The following DKK1 variants were observed in gnomAD, a reference collection of about 807,000 sequenced individuals.
DKK1 encodes dickkopf-related protein 1.
A neutral mutation model predicts 26.0 loss-of-function variants in DKK1; 18 were observed. That is an observed-to-expected ratio of 0.69 (90% CI 0.48 to 1.03). DKK1 has a LOEUF of 1.03. DKK1 is among the 50% of genes least tolerant of loss of function. The probability of loss-of-function intolerance (pLI) is 0.00; values close to 1 mark genes in which losing one functional copy is unlikely to be tolerated. For missense variants in DKK1, 335 were observed against 348.5 expected (o/e 0.96, Z 0.31); for synonymous variants, 130 against 132.6 (o/e 0.98, Z 0.13).
Position 52,316,995 on chromosome 10 carries a change from TA to T in DKK1, c.*191del. On this transcript the variant is annotated 3_prime_UTR_variant, in exon 4 of 4. Transcript: ENST00000373970. The stretch of plus-strand genomic sequence containing the variant: ...TTATGGAACTCCCCTGTGATTGCAG[TA>T]AATTACTGTATTGTAAATTCTCAGT... The T allele has an allele frequency of 4.9e-6, 3 of 609,902 alleles. No individual in the cohort carries two copies. In the South Asian group the frequency reaches 6.5e-5, roughly 13 times the overall value. 37.8% of individuals were successfully genotyped at this position (609,902 alleles called of 1,614,324 possible).
chr10:52,317,046 G>T lies in DKK1; in HGVS notation c.*239G>T. The T allele has an allele frequency of 2.0e-6, 1 of 491,620 alleles. No individual in the cohort carries two copies. Among genetic ancestry groups the T allele is most frequent in the Non-Finnish European group, 3.6e-6 (1 of 279,850 alleles). 30.5% of individuals were successfully genotyped at this position (491,620 alleles called of 1,614,324 possible). ...TGTGGCACTTACCTGTAAATGCAAT[G>T]AAACTTTTAATTATTTTTCTAAAGG... On this transcript the variant is annotated 3_prime_UTR_variant, in exon 4 of 4. Coordinates refer to ENST00000373970, the MANE Select transcript of DKK1 (RefSeq NM_012242.4).
Position 52,314,890 on chromosome 10 carries a change from G to A in DKK1, c.244-33G>A, listed in dbSNP as rs760422268. On this transcript the variant is annotated intron_variant, in intron 1 of 3. Coordinates refer to ENST00000373970, the MANE Select transcript of DKK1 (RefSeq NM_012242.4). This position sits in a 1 kb window ranked among gnomAD's most constrained non-coding sequence, Gnocchi z 5.7. ...AGAGGGCGGGTACCTGGACGTCTGG[G>A]TGCCTCACCCTCTCCCCGAACCCTT... is the stretch of plus-strand genomic sequence containing the variant. 6.6e-5 allele frequency: 97 copies of A among 1,471,338 alleles called. No individual in the cohort carries two copies. The highest frequency in any genetic ancestry group is 8.3e-5 in the Non-Finnish European group (92 of 1,107,470). The allele number at this position is 1,471,338 out of a possible 1,614,324, so 91.1% of individuals were successfully genotyped here. A position where few individuals can be genotyped will look rare whatever the true frequency, so the allele number is the denominator to read the frequency against.
Position 52,315,022 on chromosome 10 carries a change from A to T in DKK1, c.343A>T (p.Arg115Trp), listed in dbSNP as rs766034631. The change falls in exon 2 of 4, where the codon AGG (arginine) becomes TGG (tryptophan). Residue 115 changes from arginine to tryptophan, a missense_variant. Arg to Trp is a moderately radical substitution (Grantham distance 101). Coordinates refer to ENST00000373970, the MANE Select transcript of DKK1 (RefSeq NM_012242.4). ...AGGCGTGCAAATCTGTCTCGCCTGC[A>T]GGAAGCGCCGAAAACGCTGCATGCG... is the stretch of plus-strand genomic sequence containing the variant. ...DAGVQICLACRKRRKRCMRHA... is the reference protein window; with the variant it reads ...DAGVQICLACWKRRKRCMRHA... The T allele has an allele frequency of 1.2e-6, 2 of 1,605,524 alleles. No homozygotes were observed. The highest frequency in any genetic ancestry group is 2.2e-5 in the South Asian group (2 of 90,470).
In DKK1 at chr10:52,316,853, A is replaced by G. The variant is rs1305695376; in HGVS notation, c.*46A>G. The G allele has an allele frequency of 5.0e-6, 8 of 1,590,190 alleles. No homozygotes were observed. Among genetic ancestry groups the G allele is most frequent in the East Asian group, 2.2e-5 (1 of 44,762 alleles). On this transcript the variant is annotated 3_prime_UTR_variant, in exon 4 of 4. Coordinates refer to ENST00000373970, the MANE Select transcript of DKK1 (RefSeq NM_012242.4). The stretch of plus-strand genomic sequence containing the variant: ...GAACTCCTTTTATATAATAGATGCT[A>G]TGAAAACCTTTTATGACCTTCATCA...
rs375749818 is a variant in DKK1, at chr10:52,314,687, G to T, written c.243+10G>T. ...CATTGACAACTACCAGGTGAGAGGG[G>T]TCGGGCACTCAGAGGATGCTCTGAC... On this transcript the variant is annotated intron_variant, in intron 1 of 3. Transcript: ENST00000373970. This position sits in a 1 kb window ranked among gnomAD's most constrained non-coding sequence, Gnocchi z 5.7. 1 of 1,611,210 alleles carries T rather than the reference G, an allele frequency of 6.2e-7. No individual in the cohort carries two copies. The highest frequency in any genetic ancestry group is 1.1e-5 in the South Asian group (1 of 90,970).
Position 52,314,542 on chromosome 10 carries a change from TCTC to T in DKK1, c.109_111del (p.Leu37del). On this transcript the variant is annotated inframe_deletion, in exon 1 of 4. Transcript: ENST00000373970. This position sits in a 1 kb window ranked among gnomAD's most constrained non-coding sequence, Gnocchi z 5.7. ...GAGTGAGCGCCACCTTGAACTCGGTTCTCAATTCCAACGCTATCAAGAACCTGC... is the reference window on the plus strand; with the variant it reads ...GAGTGAGCGCCACCTTGAACTCGGTTAATTCCAACGCTATCAAGAACCTGC... The T allele has an allele frequency of 6.2e-7, 1 of 1,613,710 alleles. No homozygotes were observed. Among genetic ancestry groups the T allele is most frequent in the Non-Finnish European group, 8.5e-7 (1 of 1,179,968 alleles).
chr10:52,314,508 C>T lies in DKK1; in HGVS notation c.74C>T (p.Pro25Leu). 9.9e-6 allele frequency: 16 copies of T among 1,613,788 alleles called. No individual in the cohort carries two copies. Among genetic ancestry groups the T allele is most frequent in the Non-Finnish European group, 1.4e-5 (16 of 1,180,020 alleles). Residue 25 changes from proline (P) to leucine (L), a missense_variant, in exon 1 of 4, where the codon CCT (proline) becomes CTT (leucine). Coordinates refer to ENST00000373970, the MANE Select transcript of DKK1 (RefSeq NM_012242.4). The surrounding 1 kb of genome is among the most constrained non-coding windows in gnomAD (Gnocchi z 5.7). ...AMVAAALGGH[P>L]LLGVSATLNS... The stretch of plus-strand genomic sequence containing the variant: ...GTAGCGGCGGCTCTCGGCGGCCACC[C>T]TCTGCTGGGAGTGAGCGCCACCTTG...
At position 52,314,517 on chromosome 10, in the gene DKK1, G is replaced by T; in HGVS notation, c.83G>T (p.Gly28Val). The T allele has an allele frequency of 6.2e-7, 1 of 1,613,838 alleles. No homozygotes were observed. The highest frequency in any genetic ancestry group is 1.7e-5 in the Admixed American group (1 of 60,024). Residue 28 changes from glycine to valine, a missense_variant, in exon 1 of 4, where the codon GGA becomes GTA. Coordinates refer to ENST00000373970, the MANE Select transcript of DKK1 (RefSeq NM_012242.4). This position sits in a 1 kb window ranked among gnomAD's most constrained non-coding sequence, Gnocchi z 5.7. ...GCTCTCGGCGGCCACCCTCTGCTGG[G>T]AGTGAGCGCCACCTTGAACTCGGTT... is the stretch of plus-strand genomic sequence containing the variant. ...AAALGGHPLLGVSATLNSVLN... is the reference protein window; with the variant it reads ...AAALGGHPLLVVSATLNSVLN...
chr10:52,315,938 G>A lies in DKK1; in HGVS notation c.407-357G>A, dbSNP rs185660218. On this transcript the variant is annotated intron_variant, in intron 2 of 3. Coordinates refer to ENST00000373970, the MANE Select transcript of DKK1 (RefSeq NM_012242.4). ...GGACCCATATAGCACCAGGGGCAGA[G>A]AAGTTATTTTTAAGAACATTTTTAA... Among the ~76,000 whole-genome samples the A allele has an allele frequency of 5.9e-5, 9 of 152,230 alleles. No homozygotes were observed. The East Asian group carries it at 1.7e-3, about 29-fold the overall frequency.
In DKK1 at chr10:52,316,616, C is replaced by T; in HGVS notation, c.610C>T (p.His204Tyr). ...DCASGLCCAR[H>Y]FWSKICKPVL... ...TGCCTCAGGATTGTGTTGTGCTAGA[C>T]ACTTCTGGTCCAAGATCTGTAAACC... The change falls in exon 4 of 4, where the codon CAC becomes TAC. Residue 204 changes from histidine to tyrosine, a missense_variant. By Grantham distance (83) the His-to-Tyr change is moderately conservative. Coordinates refer to ENST00000373970, the MANE Select transcript of DKK1 (RefSeq NM_012242.4). 1 of 1,614,116 alleles carries T rather than the reference C, an allele frequency of 6.2e-7. No homozygotes were observed. The highest frequency in any genetic ancestry group is 8.5e-7 in the Non-Finnish European group (1 of 1,180,002).
chr10:52,315,768 C>T (rs1228218944), intron 2 of DKK1, among the ~76,000 whole-genome samples: 3 of 152,062 alleles, frequency 2.0e-5, no homozygotes, highest in Admixed American at 2.0e-4. Context: ...GCTAACAGGG[C>T]GACGACCCTC....
In DKK1 at chr10:52,314,299, T is replaced by C; in HGVS notation, c.-136T>C. 1 of 1,338,678 alleles carries C rather than the reference T, an allele frequency of 7.5e-7. No homozygotes were observed. The highest frequency in any genetic ancestry group is 1.0e-6 in the Non-Finnish European group (1 of 977,584). The allele number at this position is 1,338,678 out of a possible 1,614,324, so 82.9% of individuals were successfully genotyped here. A position where few individuals can be genotyped will look rare whatever the true frequency, so the allele number is the denominator to read the frequency against. ...TGGCGGCGCAGAGCTCTGTGCTCCC[T>C]GCAGTCAGGACTCTGGGACCGCAGG... On this transcript the variant is annotated 5_prime_UTR_variant, in exon 1 of 4. Transcript: ENST00000373970. The surrounding 1 kb of genome is among the most constrained non-coding windows in gnomAD (Gnocchi z 5.7).
rs147900355 is a variant in DKK1, at chr10:52,316,506, G to C, written c.548-48G>C. The C allele has an allele frequency of 2.2e-4, 353 of 1,611,612 alleles. 1 individual carries two copies. In the African/African-American group the frequency reaches 4.1e-3, roughly 19 times the overall value. On this transcript the variant is annotated intron_variant, in intron 3 of 3. Coordinates refer to ENST00000373970, the MANE Select transcript of DKK1 (RefSeq NM_012242.4). ...GAATTATTTTAGTGAAACGATGCAG[G>C]TTTAACAGTAACTATGTACTTTTTT...
chr10:52,315,561 G>A (rs1446760758), intron 2 of DKK1, among the ~76,000 whole-genome samples: 1 of 152,162 alleles, frequency 6.6e-6, no homozygotes, highest in Non-Finnish European at 1.5e-5. Context: ...ACTGTTGTCA[G>A]CCAGAGGACT....
In DKK1 at chr10:52,316,449, G is replaced by A; in HGVS notation, c.547+14G>A. On this transcript the variant is annotated intron_variant, in intron 3 of 3. Transcript: ENST00000373970. ...ATCACACCAAAGGTAAGGATGTTAA[G>A]ACTCATTCTTAGCACATCAGAAGTG... The A allele has an allele frequency of 6.2e-7, 1 of 1,613,568 alleles. No homozygotes were observed. The highest frequency in any genetic ancestry group is 1.1e-5 in the South Asian group (1 of 90,934).
rs1489537668 is a variant in DKK1 at position 52,317,346 on chromosome 10, G to A, written c.*539G>A. On this transcript the variant is annotated 3_prime_UTR_variant, in exon 4 of 4. Transcript: ENST00000373970. The stretch of plus-strand genomic sequence containing the variant: ...TAAATTATATTTCCCTTTAGGCTGT[G>A]ATAGTTTTTGAAATAAAATTTAACA... 2 of 152,930 alleles carry A rather than the reference G, an allele frequency of 1.3e-5. No homozygotes were observed. The highest frequency in any genetic ancestry group is 2.9e-5 in the Non-Finnish European group (2 of 68,646). The allele number at this position is 152,930 out of a possible 1,614,324, so 9.5% of individuals were successfully genotyped here. A position where few individuals can be genotyped will look rare whatever the true frequency, so the allele number is the denominator to read the frequency against.
intron 2 of DKK1, 30 bp downstream of exon 2, chr10:52,315,115 A>C (rs1323839613): frequency 5.6e-6 from 6 of 1,080,672 alleles, no homozygotes; most frequent in Admixed American, 3.6e-5. Flanking sequence ...TTTCACACTA[A>C]AACTGTCCAG....
At position 52,316,814 on chromosome 10, in the gene DKK1, T is replaced by C. The variant is rs1193268821; in HGVS notation, c.*7T>C. ...CACTTGTCAGAGACACTAAACCAGC[T>C]ATCCAAATGCAGTGAACTCCTTTTA... On this transcript the variant is annotated 3_prime_UTR_variant, in exon 4 of 4. Coordinates refer to ENST00000373970, the MANE Select transcript of DKK1 (RefSeq NM_012242.4). The C allele has an allele frequency of 1.9e-6, 3 of 1,613,474 alleles. No homozygotes were observed. Among genetic ancestry groups the C allele is most frequent in the Non-Finnish European group, 2.5e-6 (3 of 1,179,710 alleles).
chr10:52,315,133 G>A, intron 2 of DKK1, 48 bp downstream of exon 2: 5 of 982,812 alleles, frequency 5.1e-6, no homozygotes, highest in East Asian at 7.3e-5. Flanking sequence ...CAGCCTTTGA[G>A]CGTCTATGAA....
Sources: gnomAD v4.1 joint callset for allele counts (sites outside exome capture counted in the v4.1 genomes callset) on GRCh38, gnomAD v4.1.1 for gene constraint, Gnocchi (gnomAD v3.1) non-coding constraint, MANE v1.5 for transcripts, NCBI Gene and HGNC (gene_info 2026-07-23, HGNC 2026-07-21) for gene names.